The following SPIRE1 variants were observed in gnomAD, a reference collection of about 807,000 sequenced individuals.
SPIRE1 encodes protein spire homolog 1.
In SPIRE1, 40 loss-of-function variants were observed where a neutral mutation model predicts 94.1. The observed-to-expected ratio is 0.43, with a 90% CI of 0.33 to 0.55. The LOEUF (loss-of-function observed/expected upper bound fraction) is 0.55, where lower values mean the gene tolerates loss of function less well. Among genes scored for constraint, SPIRE1 ranks in the 20% least tolerant of loss-of-function variants. The pLI is 0.06. For synonymous variants in SPIRE1, 376 were observed against 371.7 expected, an observed-to-expected ratio of 1.01 and a Z score of -0.13; for missense variants, 838 against 975.2, an observed-to-expected ratio of 0.86 and a Z score of 1.87.
intron 1 of SPIRE1, among the ~76,000 whole-genome samples, chr18:12,644,299 G>A (rs2038164823): frequency 6.6e-6 from 1 of 151,768 alleles, no homozygotes; most frequent in East Asian, 1.9e-4. Context: ...TACACATCAG[G>A]CAATACAACA....
chr18:12,558,169 G>T (rs1250087576), intron 2 of SPIRE1, among the ~76,000 whole-genome samples: 1 of 152,316 alleles, frequency 6.6e-6, no homozygotes, highest in East Asian at 1.9e-4. Context: ...TGTGCCCGGA[G>T]TTTCTTCCTT....
chr18:12,635,435 T>C (rs1258640391), intron 1 of SPIRE1, among the ~76,000 whole-genome samples: 1 of 152,220 alleles, frequency 6.6e-6, no homozygotes, highest in Non-Finnish European at 1.5e-5. Flanking sequence ...TAAAATACTT[T>C]AAAGGTATTT....
chr18:12,456,067 T>A (rs896255594), intron 12 of SPIRE1, among the ~76,000 whole-genome samples: 4 of 152,362 alleles, frequency 2.6e-5, no homozygotes, highest in Admixed American at 1.3e-4. Context: ...GGAAAAATCC[T>A]GCATTTGAAT....
At chr18:12,537,340 C>T (rs1438801324) in intron 3 of SPIRE1, among the ~76,000 whole-genome samples, 1 of 152,210 alleles carries the variant, frequency 6.6e-6, no homozygotes, top group African/African-American at 2.4e-5. Context: ...TCTTACATTC[C>T]AGTCACATAA....
At chr18:12,563,221 C>G (rs1213361914) in intron 2 of SPIRE1, among the ~76,000 whole-genome samples, 2 of 150,486 alleles carry the variant, frequency 1.3e-5, no homozygotes, top group Non-Finnish European at 3.0e-5. Context: ...AAAAAAAAAT[C>G]TGAGTTCTAG....
intron 8 of SPIRE1, among the ~76,000 whole-genome samples, chr18:12,491,051 C>G (rs1218371264): frequency 6.6e-6 from 1 of 151,868 alleles, no homozygotes; most frequent in Non-Finnish European, 1.5e-5. Flanking sequence ...TTTCAATACA[C>G]TAACAACAAA....
chr18:12,467,487 G>A (rs967537700), intron 10 of SPIRE1, among the ~76,000 whole-genome samples: 2 of 152,144 alleles, frequency 1.3e-5, no homozygotes, highest in African/African-American at 2.4e-5. Context: ...TAAAAGCAGA[G>A]AGTGTCTCTT....
intron 2 of SPIRE1, among the ~76,000 whole-genome samples, chr18:12,625,460 T>C (rs146268964): frequency 9.2e-5 from 14 of 152,360 alleles, no homozygotes; most frequent in African/African-American, 2.9e-4. Context: ...TTTTAACTTC[T>C]TGTGATGCAA....
At chr18:12,573,202 A>T (rs1006511523) in intron 2 of SPIRE1, among the ~76,000 whole-genome samples, 10 of 152,224 alleles carry the variant, frequency 6.6e-5, no homozygotes, top group African/African-American at 2.4e-4. Flanking sequence ...CTCACCAAAG[A>T]AGATATACAG....
intron 4 of SPIRE1, among the ~76,000 whole-genome samples, chr18:12,513,855 T>C (rs576490066): frequency 1.3e-5 from 2 of 152,206 alleles, no homozygotes; most frequent in African/African-American, 4.8e-5. Flanking sequence ...TATTTATTTA[T>C]TTTTAGAGAC....
At chr18:12,604,979 C>T (rs867954070) in intron 2 of SPIRE1, among the ~76,000 whole-genome samples, 6 of 151,778 alleles carry the variant, frequency 4.0e-5, no homozygotes, top group African/African-American at 7.3e-5. Context: ...TTATGCTAAA[C>T]GAAATAAGCA....
chr18:12,561,266 C>A (rs1043106206), intron 2 of SPIRE1, among the ~76,000 whole-genome samples: 65 of 137,092 alleles, frequency 4.7e-4, no homozygotes, highest in Admixed American at 9.4e-4. Context: ...TAGAATAGAT[C>A]AATTTTTTTT....
chr18:12,617,982 T>A (rs896730576), intron 2 of SPIRE1, among the ~76,000 whole-genome samples: 2 of 152,304 alleles, frequency 1.3e-5, no homozygotes, highest in African/African-American at 2.4e-5. Flanking sequence ...GTAAAAAAAA[T>A]TTATATTTTT....
At chr18:12,452,438 C>T (rs756974253) in intron 15 of SPIRE1, 47 bp from the exon 16 acceptor site, 20 of 1,614,008 alleles carry the variant, frequency 1.2e-5, no homozygotes, top group Non-Finnish European at 1.1e-5. Flanking sequence ...GTTAAAGAGG[C>T]AGTCACTAAA....
rs72419037 is a variant in SPIRE1, at chr18:12,644,031, CA to C, written c.338-8936del. ...CAACATGGTGAAACCCTGTCTCAAC[CA>C]AAAAAAAAAAAAAAAAATTAGCTGG... On this transcript the variant is annotated intron_variant, in intron 1 of 16. Coordinates refer to ENST00000409402, the MANE Select transcript of SPIRE1 (RefSeq NM_001128626.2). 2.6e-3 allele frequency among the ~76,000 whole-genome samples: 347 copies of C among 132,184 alleles called. 3 individuals carry two copies. The highest frequency in any genetic ancestry group is 3.9e-3 in the Middle Eastern group (1 of 258). The allele number at this position is 132,184 out of a possible 152,430, so 86.7% of individuals were successfully genotyped here. A position where few individuals can be genotyped will look rare whatever the true frequency, so the allele number is the denominator to read the frequency against.
intron 4 of SPIRE1, among the ~76,000 whole-genome samples, chr18:12,527,474 G>A (rs2034555331): frequency 6.6e-6 from 1 of 152,310 alleles, no homozygotes; most frequent in African/African-American, 2.4e-5. Flanking sequence ...CGGTGAACAT[G>A]ATGTAGGTTG....
At chr18:12,598,784 C>A (rs1240723716) in intron 2 of SPIRE1, among the ~76,000 whole-genome samples, 2 of 152,100 alleles carry the variant, frequency 1.3e-5, no homozygotes, top group Non-Finnish European at 2.9e-5. Context: ...ACAAAAAGAA[C>A]CTGAGTATTT....
chr18:12,635,006 G>T, intron 2 of SPIRE1, 56 bp downstream of exon 2: 1 of 974,270 alleles, frequency 1.0e-6, no homozygotes, highest in Non-Finnish European at 1.6e-6. Context: ...ACTCAAGTTA[G>T]TCTAAACAGG....
At chr18:12,484,378 A>G (rs2032956755) in intron 9 of SPIRE1, among the ~76,000 whole-genome samples, 1 of 152,250 alleles carries the variant, frequency 6.6e-6, no homozygotes, top group African/African-American at 2.4e-5. Flanking sequence ...AAAAATAAAA[A>G]TTCCAAATGA....
Sources: allele counts gnomAD v4.1 joint callset (sites outside exome capture counted in the v4.1 genomes callset), GRCh38; gene constraint gnomAD v4.1.1; transcripts MANE v1.5; gene names NCBI Gene and HGNC (gene_info 2026-07-23, HGNC 2026-07-21).